CSMD3: variants seen among roughly 807,000 people sequenced by gnomAD.
CSMD3 encodes the protein CUB and sushi domain-containing protein 3.
CSMD3 carries 177 observed loss-of-function variants against 435.2 expected under a neutral mutation model. That is an observed-to-expected ratio of 0.41 (90% CI 0.36 to 0.46). The LOEUF (loss-of-function observed/expected upper bound fraction) is 0.46, where lower values mean the gene tolerates loss of function less well. CSMD3 is among the 20% of genes least tolerant of loss of function. The pLI, the probability that CSMD3 is intolerant of heterozygous loss-of-function variation, is 0.34. For missense variants in CSMD3, 4,265 were observed against 4,504.6 expected (o/e 0.95, Z 1.52); for synonymous variants, 1,656 against 1,520.5 (o/e 1.09, Z -2.07).
chr8:112,238,907 T>C (rs925976476), intron 66 of CSMD3, among the ~76,000 whole-genome samples: 2 of 151,996 alleles, frequency 1.3e-5, no homozygotes, highest in Non-Finnish European at 2.9e-5. Flanking sequence ...GCAAACTAAA[T>C]ATGGCCTGAG....
At chr8:112,656,111 G>T (rs559322721) in intron 18 of CSMD3, 43 bp downstream of exon 18, 1 of 1,047,356 alleles carries the variant, frequency 9.5e-7, no homozygotes, top group Non-Finnish European at 1.5e-6. Flanking sequence ...CAAAAAGTAG[G>T]GCAAACAGAA....
chr8:112,640,187 C>T (rs2074784018), intron 20 of CSMD3, among the ~76,000 whole-genome samples: 1 of 152,082 alleles, frequency 6.6e-6, no homozygotes, highest in Admixed American at 6.6e-5. Context: ...CTAATGACTT[C>T]ACACAAACAC....
At chr8:112,942,178 G>A (rs1364405300) in intron 9 of CSMD3, among the ~76,000 whole-genome samples, 1 of 147,278 alleles carries the variant, frequency 6.8e-6, no homozygotes, top group East Asian at 2.0e-4. Flanking sequence ...TTTCCAGAAT[G>A]TCTTATAGTT....
intron 1 of CSMD3, among the ~76,000 whole-genome samples, chr8:113,374,480 A>G (rs1433791803): frequency 6.6e-6 from 1 of 152,054 alleles, no homozygotes; most frequent in African/African-American, 2.4e-5. Context: ...AAAATACAGA[A>G]GTTCAAATTT....
rs2083721130 is a variant in CSMD3, at chr8:112,949,208, T to C, written c.1421-1331A>G. On this transcript the variant is annotated intron_variant, in intron 8 of 70. Coordinates refer to ENST00000297405, the MANE Select transcript of CSMD3 (RefSeq NM_198123.2). ...TAGCTATCAGACGACTGCCCAACAG[T>C]TATAGTTGTGGTAAAGTTGTCGTTT... 2.0e-5 allele frequency among the ~76,000 whole-genome samples: 3 copies of C among 152,042 alleles called. No individual in the cohort carries two copies. In the South Asian group the frequency reaches 6.2e-4, roughly 32 times the overall value.
intron 35 of CSMD3, among the ~76,000 whole-genome samples, chr8:112,401,303 TTC>T (rs1482462741): frequency 2.0e-5 from 2 of 101,294 alleles, no homozygotes; most frequent in South Asian, 3.0e-4. Context: ...CTTCACTCAC[TTC>T]TCTTCGCTTG....
intron 13 of CSMD3, among the ~76,000 whole-genome samples, chr8:112,752,278 A>G (rs1184822222): frequency 3.9e-5 from 6 of 152,062 alleles, no homozygotes; most frequent in African/African-American, 1.4e-4. Context: ...CTTCGGTATC[A>G]CAGTGCCCAA....
intron 2 of CSMD3, among the ~76,000 whole-genome samples, chr8:113,289,552 G>C (rs1415481273): frequency 1.4e-5 from 1 of 71,634 alleles, no homozygotes; most frequent in Non-Finnish European, 2.9e-5. Context: ...GACAGAGAGA[G>C]ACAGAGAGAG....
chr8:112,937,709 G>A (rs1173612416), intron 9 of CSMD3, among the ~76,000 whole-genome samples: 1 of 151,984 alleles, frequency 6.6e-6, no homozygotes, highest in Non-Finnish European at 1.5e-5. Context: ...TTCATACAGA[G>A]AACAGTAGGA....
chr8:112,816,779 G>A (rs2079387500), intron 12 of CSMD3, among the ~76,000 whole-genome samples: 1 of 151,572 alleles, frequency 6.6e-6, no homozygotes, highest in Non-Finnish European at 1.5e-5. Context: ...TTTCCATAAA[G>A]CTAGTAAGAA....
chr8:112,292,129 T>C (rs1343499068), intron 55 of CSMD3, among the ~76,000 whole-genome samples: 2 of 151,986 alleles, frequency 1.3e-5, no homozygotes, highest in East Asian at 3.9e-4. Context: ...AAAGCCTCAA[T>C]ACAGGTGTAC....
chr8:112,995,431 C>T (rs1229537321), intron 6 of CSMD3, among the ~76,000 whole-genome samples: 1 of 151,414 alleles, frequency 6.6e-6, no homozygotes, highest in Non-Finnish European at 1.5e-5. Context: ...TTTCTGGACA[C>T]CTAGCAACCA....
At chr8:112,522,968 T>C (rs556848894) in intron 27 of CSMD3, among the ~76,000 whole-genome samples, 3 of 152,050 alleles carry the variant, frequency 2.0e-5, no homozygotes, top group East Asian at 3.9e-4. Flanking sequence ...CAGAGATAAG[T>C]TGAATTACCA....
chr8:112,347,715 T>C (rs565671133), intron 40 of CSMD3, among the ~76,000 whole-genome samples: 1 of 152,332 alleles, frequency 6.6e-6, no homozygotes, highest in African/African-American at 2.4e-5. Flanking sequence ...GAAGTTAGTA[T>C]TTACCAATTC....
chr8:113,335,192 TAA>T (rs2094062529), intron 1 of CSMD3, among the ~76,000 whole-genome samples: 2 of 152,148 alleles, frequency 1.3e-5, no homozygotes, highest in African/African-American at 4.8e-5. Context: ...ACCATGATTT[TAA>T]GTTTCCTGAG....
chr8:112,668,420 C>T (rs1018774468), intron 16 of CSMD3, among the ~76,000 whole-genome samples: 12 of 151,960 alleles, frequency 7.9e-5, no homozygotes, highest in African/African-American at 2.7e-4. Flanking sequence ...TTCATTCAAC[C>T]TAATCATCAT....
chr8:112,827,019 A>G (rs1340655640), intron 12 of CSMD3, among the ~76,000 whole-genome samples: 4 of 151,366 alleles, frequency 2.6e-5, no homozygotes, highest in Admixed American at 2.6e-4. Flanking sequence ...TATGGTTCAA[A>G]CACACATTTT....
At chr8:112,496,591 G>T (rs556144248) in intron 30 of CSMD3, among the ~76,000 whole-genome samples, 2 of 152,018 alleles carry the variant, frequency 1.3e-5, no homozygotes, top group Non-Finnish European at 2.9e-5. Flanking sequence ...AAAAAAAAGT[G>T]GCACATATAT....
At chr8:112,811,262 A>T (rs888417002) in intron 12 of CSMD3, among the ~76,000 whole-genome samples, 5 of 152,002 alleles carry the variant, frequency 3.3e-5, no homozygotes, top group Admixed American at 6.6e-5. Context: ...GCAAATCTTT[A>T]AAAAAATGTA....
Sources: allele counts gnomAD v4.1 joint callset (sites outside exome capture counted in the v4.1 genomes callset), GRCh38; gene constraint gnomAD v4.1.1; transcripts MANE v1.5; gene names NCBI Gene and HGNC (gene_info 2026-07-23, HGNC 2026-07-21).